Variants in CPPED1 observed in about 807,000 individuals in gnomAD.
CPPED1 encodes the protein calcineurin like phosphoesterase domain containing 1.
In CPPED1, 28 loss-of-function variants were observed where a neutral mutation model predicts 28.0. The observed-to-expected ratio is 1.00, with a 90% CI of 0.74 to 1.37. CPPED1 has a LOEUF of 1.37. Among genes scored for constraint, CPPED1 ranks in the 40% most tolerant of loss-of-function variants. The pLI is 0.00. For missense variants in CPPED1, 504 were observed against 416.5 expected (o/e 1.21, Z -1.83); for synonymous variants, 198 against 180.2 (o/e 1.10, Z -0.79).
intron 3 of CPPED1, among the ~76,000 whole-genome samples, chr16:12,666,031 G>A (rs962573794): frequency 6.6e-6 from 1 of 152,214 alleles, no homozygotes; most frequent in African/African-American, 2.4e-5. Flanking sequence ...GCAGGTTATC[G>A]CTTGAACCCA....
At chr16:12,755,427 G>A (rs1363521419) in intron 2 of CPPED1, among the ~76,000 whole-genome samples, 5 of 151,720 alleles carry the variant, frequency 3.3e-5, no homozygotes, top group East Asian at 1.9e-4. Context: ...GACTACAGGT[G>A]CATGCCACCA....
intron 2 of CPPED1, among the ~76,000 whole-genome samples, chr16:12,746,874 C>A (rs1278800398): frequency 6.6e-6 from 1 of 151,778 alleles, no homozygotes; most frequent in Non-Finnish European, 1.5e-5. Context: ...CTAATGCAAC[C>A]TCGAAAATGC....
At chr16:12,694,858 A>G (rs1385607451) in intron 3 of CPPED1, among the ~76,000 whole-genome samples, 1 of 151,450 alleles carries the variant, frequency 6.6e-6, no homozygotes, top group Non-Finnish European at 1.5e-5. Flanking sequence ...GTTCACTGCA[A>G]CCTCCGCCTC....
chr16:12,794,527 A>T (rs1049643714), intron 1 of CPPED1, among the ~76,000 whole-genome samples: 5 of 144,316 alleles, frequency 3.5e-5, no homozygotes, highest in African/African-American at 5.1e-5. Flanking sequence ...TGTCCTAAGT[A>T]CAGGTTGCAT....
rs1264787699 is a variant in CPPED1 at position 12,780,842 on chromosome 16, G to C, written c.289+343C>G. The C allele has an allele frequency of 2.9e-5, 6 of 210,182 alleles. No individual in the cohort carries two copies. The Admixed American group carries it at 3.2e-4, about 11-fold the overall frequency. 13.0% of individuals were successfully genotyped at this position (210,182 alleles called of 1,614,324 possible). A position where few individuals can be genotyped will look rare whatever the true frequency, so the allele number is the denominator to read the frequency against. ...AAAAGTGTAAGAAGAAAGGAAATGA[G>C]GAGAGAAGATTATATTTATGGATAT... On this transcript the variant is annotated intron_variant, in intron 2 of 3. Transcript: ENST00000381774.
chr16:12,745,290 A>G (rs2080279717), intron 2 of CPPED1, among the ~76,000 whole-genome samples: 1 of 152,226 alleles, frequency 6.6e-6, no homozygotes, highest in Non-Finnish European at 1.5e-5. Context: ...TGAAAGAAAC[A>G]TAAAGAAGAC....
intron 2 of CPPED1, among the ~76,000 whole-genome samples, chr16:12,773,734 A>G (rs1383344105): frequency 1.3e-5 from 2 of 152,144 alleles, no homozygotes; most frequent in Admixed American, 6.5e-5. Flanking sequence ...AATAATAAAA[A>G]TACATAAAAA....
At chr16:12,751,412 A>C (rs2080327889) in intron 2 of CPPED1, among the ~76,000 whole-genome samples, 1 of 152,286 alleles carries the variant, frequency 6.6e-6, no homozygotes, top group African/African-American at 2.4e-5. Flanking sequence ...AATATATTAC[A>C]TTTTTCAGTA....
rs1310070234 is a variant in CPPED1, at chr16:12,662,366, A to G, written c.*2520T>C. On this transcript the variant is annotated 3_prime_UTR_variant, in exon 4 of 4. Transcript: ENST00000381774. ...TTACTTAAAAAGTGGTGAGAAATTA[A>G]TATGATTCTCTCTTCCCTTTTAAAA... The G allele has an allele frequency of 6.6e-6, 1 of 152,216 alleles. No homozygotes were observed. The highest frequency in any genetic ancestry group is 1.5e-5 in the Non-Finnish European group (1 of 68,030). The allele number at this position is 152,216 out of a possible 1,614,324, so 9.4% of individuals were successfully genotyped here.
chr16:12,783,675 T>C (rs1567305777), intron 1 of CPPED1, among the ~76,000 whole-genome samples: 1 of 152,090 alleles, frequency 6.6e-6, no homozygotes. Flanking sequence ...TAGAATGGAC[T>C]CTGGTTTCAA....
At chr16:12,772,794 C>T (rs2080477290) in intron 2 of CPPED1, among the ~76,000 whole-genome samples, 1 of 152,142 alleles carries the variant, frequency 6.6e-6, no homozygotes, top group African/African-American at 2.4e-5. Flanking sequence ...AGCTCTTATC[C>T]CAAACCCCCT....
At chr16:12,742,681 A>G (rs888097608) in intron 2 of CPPED1, among the ~76,000 whole-genome samples, 6 of 152,166 alleles carry the variant, frequency 3.9e-5, no homozygotes, top group African/African-American at 1.4e-4. Flanking sequence ...GTTCAAGGGT[A>G]GTTCAGAACA....
chr16:12,800,579 C>G (rs1171767275), intron 1 of CPPED1, among the ~76,000 whole-genome samples: 1 of 152,286 alleles, frequency 6.6e-6, no homozygotes, highest in Non-Finnish European at 1.5e-5. Flanking sequence ...TCAGACCACT[C>G]TTTTCAAAAT....
chr16:12,767,365 A>C (rs1341123461), intron 2 of CPPED1, among the ~76,000 whole-genome samples: 3 of 152,122 alleles, frequency 2.0e-5, no homozygotes, highest in Non-Finnish European at 2.9e-5. Context: ...ATGCCTGCCC[A>C]AAATAGTGAA....
At chr16:12,725,826 T>C (rs2080167235) in intron 2 of CPPED1, among the ~76,000 whole-genome samples, 1 of 152,182 alleles carries the variant, frequency 6.6e-6, no homozygotes, top group Non-Finnish European at 1.5e-5. Flanking sequence ...ATATATTTCA[T>C]CTTGACAATA....
intron 3 of CPPED1, among the ~76,000 whole-genome samples, chr16:12,703,556 T>C (rs2080031484): frequency 1.3e-5 from 2 of 151,614 alleles, no homozygotes; most frequent in African/African-American, 4.8e-5. Context: ...GTGGTCAGCG[T>C]TTGTAATCCC....
intron 2 of CPPED1, among the ~76,000 whole-genome samples, chr16:12,711,630 A>G (rs2080080468): frequency 6.6e-6 from 1 of 152,112 alleles, no homozygotes; most frequent in Non-Finnish European, 1.5e-5. Context: ...TGGGGCTGGA[A>G]GCAGACACAT....
At chr16:12,721,778 AT>A (rs1408983182) in intron 2 of CPPED1, among the ~76,000 whole-genome samples, 2 of 151,632 alleles carry the variant, frequency 1.3e-5, no homozygotes, top group Non-Finnish European at 2.9e-5. Context: ...GGCAAAATAA[AT>A]AAATAAATAA....
chr16:12,735,782 C>T (rs2080223841), intron 2 of CPPED1, among the ~76,000 whole-genome samples: 1 of 152,222 alleles, frequency 6.6e-6, no homozygotes, highest in African/African-American at 2.4e-5. Flanking sequence ...GGGAAGAGAA[C>T]ATGACTTGTT....
Sources: allele counts gnomAD v4.1 joint callset (sites outside exome capture counted in the v4.1 genomes callset), GRCh38; gene constraint gnomAD v4.1.1; transcripts MANE v1.5; gene names NCBI Gene and HGNC (gene_info 2026-07-23, HGNC 2026-07-21).